Variants in PPP1R13B observed in about 807,000 individuals in gnomAD.
The protein encoded by PPP1R13B is protein phosphatase 1 regulatory subunit 13B.
Under a neutral mutation model 119.8 loss-of-function variants are expected in PPP1R13B, and 44 were observed. The observed-to-expected ratio is 0.37, with a 90% CI of 0.29 to 0.47. PPP1R13B has a LOEUF of 0.47. Ranked by LOEUF, PPP1R13B falls within the 20% of genes least tolerant of loss-of-function variation. PPP1R13B has a pLI of 0.99. For synonymous variants in PPP1R13B, 542 were observed against 561.5 expected (o/e 0.97, Z 0.49); for missense variants, 1,227 against 1,413.5 (o/e 0.87, Z 2.12).
At chr14:103,782,600 C>A (rs948722649) in intron 3 of PPP1R13B, among the ~76,000 whole-genome samples, 1 of 152,202 alleles carries the variant, frequency 6.6e-6, no homozygotes, top group Admixed American at 6.5e-5. Flanking sequence ...ATGCAGAAGA[C>A]GGCCTGTTTC....
At chr14:103,748,392 G>T (rs747846146) in intron 8 of PPP1R13B, among the ~76,000 whole-genome samples, 1 of 152,076 alleles carries the variant, frequency 6.6e-6, no homozygotes, top group African/African-American at 2.4e-5. Flanking sequence ...TCCCTTCTAC[G>T]TCTACCACCC....
chr14:103,794,728 T>G, intron 2 of PPP1R13B: 1 of 383,466 alleles, frequency 2.6e-6, no homozygotes, highest in Non-Finnish European at 5.1e-6. Context: ...GCTGTTACAG[T>G]GCTTGCCCTC....
chr14:103,796,511 A>G (rs1203188041), intron 2 of PPP1R13B, among the ~76,000 whole-genome samples: 2 of 152,206 alleles, frequency 1.3e-5, no homozygotes, highest in Non-Finnish European at 2.9e-5. Flanking sequence ...CACATCGTAT[A>G]CTTCGTATAC....
chr14:103,755,455 C>A (rs1479012806), intron 5 of PPP1R13B, among the ~76,000 whole-genome samples: 2 of 152,120 alleles, frequency 1.3e-5, no homozygotes, highest in Non-Finnish European at 2.9e-5. Flanking sequence ...AATACCAGAA[C>A]AATCTAAAAA....
rs539991229 is a variant in PPP1R13B at position 103,736,143 on chromosome 14, C to T, written c.3091G>A (p.Glu1031Lys). 7 of 1,614,052 alleles carry T rather than the reference C, an allele frequency of 4.3e-6. 1 individual carries two copies. Among genetic ancestry groups the T allele is most frequent in the South Asian group, 3.3e-5 (3 of 91,082 alleles). The change falls in exon 16 of 17, where the codon GAG becomes AAG. Residue 1031 changes from glutamate (E) to lysine (K), a missense_variant. Coordinates refer to ENST00000202556, the MANE Select transcript of PPP1R13B (RefSeq NM_015316.3). Reference sequence around the variant, plus strand: ...GACAGCTCGTCACTGTTCTGGGCCTCGTAGTCCCACAGAGCATACGCCACA... The same window carrying T: ...GACAGCTCGTCACTGTTCTGGGCCTTGTAGTCCCACAGAGCATACGCCACA... Reference protein sequence around the residue: ...KGVAYALWDYEAQNSDELSFH... With the variant: ...KGVAYALWDYKAQNSDELSFH...
At chr14:103,842,257 T>C (rs1445881820) in intron 1 of PPP1R13B, among the ~76,000 whole-genome samples, 1 of 150,708 alleles carries the variant, frequency 6.6e-6, no homozygotes, top group African/African-American at 2.4e-5. Flanking sequence ...AGAAGTTAGG[T>C]GCCCCATTGC....
intron 1 of PPP1R13B, among the ~76,000 whole-genome samples, chr14:103,830,089 T>G: frequency 6.9e-6 from 1 of 145,840 alleles, no homozygotes; most frequent in Admixed American, 7.0e-5. Context: ...TATTTTTATT[T>G]TTATTTTATT....
At position 103,784,829 on chromosome 14, in the gene PPP1R13B, T is replaced by C; in HGVS notation, c.243A>G (p.Arg81=). ...PRREEVKFFL[R]HEDSPTENSE... is the part of the protein sequence containing the mutation. ...TGTTCTCAGTTGGGGAGTCCTCGTG[T>C]CGAAGGAAAAATTTCACTTCTTCCC... is the stretch of plus-strand genomic sequence containing the variant. The change falls in exon 3 of 17, where the codon CGA becomes CGG. Residue 81 remains arginine, a synonymous_variant. Transcript: ENST00000202556. The C allele has an allele frequency of 1.2e-6, 2 of 1,610,278 alleles. No homozygotes were observed. The highest frequency in any genetic ancestry group is 1.7e-6 in the Non-Finnish European group (2 of 1,177,088).
intron 1 of PPP1R13B, among the ~76,000 whole-genome samples, chr14:103,832,307 T>G (rs911546723): frequency 1.3e-5 from 2 of 152,148 alleles, no homozygotes; most frequent in African/African-American, 2.4e-5. Context: ...CTGCCCACCT[T>G]CAGACCTCAA....
chr14:103,790,433 G>A (rs371747264), intron 2 of PPP1R13B, among the ~76,000 whole-genome samples: 1 of 152,094 alleles, frequency 6.6e-6, no homozygotes, highest in Non-Finnish European at 1.5e-5. Flanking sequence ...GGGTCTTTGA[G>A]AAGCGATTAG....
intron 1 of PPP1R13B, among the ~76,000 whole-genome samples, chr14:103,803,365 C>T (rs182899924): frequency 1.3e-5 from 2 of 152,194 alleles, no homozygotes; most frequent in Non-Finnish European, 2.9e-5. Context: ...GATTTGGGGC[C>T]GGGTGCGGTG....
At chr14:103,843,680 C>T (rs1458513281) in intron 1 of PPP1R13B, among the ~76,000 whole-genome samples, 10 of 152,110 alleles carry the variant, frequency 6.6e-5, no homozygotes, top group Non-Finnish European at 1.2e-4. Flanking sequence ...GACGGCAGAG[C>T]GCAGTGGCAT....
intron 1 of PPP1R13B, among the ~76,000 whole-genome samples, chr14:103,828,370 CAAAA>C (rs35467099): frequency 2.0e-5 from 2 of 102,240 alleles, no homozygotes; most frequent in East Asian, 2.8e-4. Context: ...ACTCTGTCTC[CAAAA>C]AAAAAAAAAA....
rs1721006677 is a variant in PPP1R13B, at chr14:103,742,547, G to A, written c.1320+107C>T. 2.1e-6 allele frequency: 3 copies of A among 1,441,236 alleles called. No individual in the cohort carries two copies. Among genetic ancestry groups the A allele is most frequent in the Middle Eastern group, 5.1e-4 (2 of 3,936 alleles). 89.3% of individuals were successfully genotyped at this position (1,441,236 alleles called of 1,614,324 possible). On this transcript the variant is annotated intron_variant, in intron 10 of 16. Transcript: ENST00000202556. This position sits in a 1 kb window ranked among gnomAD's most constrained non-coding sequence, Gnocchi z 4.9. ...TTTGGGTGTTGTCTGGACAATAACA[G>A]GATTAACTTGCCTCCTGACAAGTCA... is the stretch of plus-strand genomic sequence containing the variant.
intron 1 of PPP1R13B, among the ~76,000 whole-genome samples, chr14:103,844,594 T>C (rs1194042431): frequency 6.6e-6 from 1 of 152,004 alleles, no homozygotes; most frequent in Non-Finnish European, 1.5e-5. Context: ...CCAGGCAGGA[T>C]GGAGGGTGCC....
intron 8 of PPP1R13B, among the ~76,000 whole-genome samples, chr14:103,748,026 C>A (rs1379404370): frequency 6.6e-6 from 1 of 151,248 alleles, no homozygotes; most frequent in Non-Finnish European, 1.5e-5. Flanking sequence ...TCTGGACTTG[C>A]CAACGTCCAC....
At chr14:103,837,442 A>G (rs539874377) in intron 1 of PPP1R13B, among the ~76,000 whole-genome samples, 1 of 152,268 alleles carries the variant, frequency 6.6e-6, no homozygotes, top group South Asian at 2.1e-4. Flanking sequence ...TTTCTATCTT[A>G]AAGGAAAGGC....
At chr14:103,828,229 C>A (rs2086594556) in intron 1 of PPP1R13B, among the ~76,000 whole-genome samples, 1 of 151,966 alleles carries the variant, frequency 6.6e-6, no homozygotes, top group South Asian at 2.1e-4. Flanking sequence ...ATTAGCCAGA[C>A]ATGGTGGCGG....
intron 1 of PPP1R13B, among the ~76,000 whole-genome samples, chr14:103,839,867 T>C (rs1006358997): frequency 4.2e-4 from 64 of 152,322 alleles, no homozygotes; most frequent in African/African-American, 1.5e-3. Flanking sequence ...ACATGTGGCA[T>C]AAATCATGAT....
Sources: allele counts gnomAD v4.1 joint callset (sites outside exome capture counted in the v4.1 genomes callset), GRCh38; gene constraint gnomAD v4.1.1; non-coding constraint Gnocchi (gnomAD v3.1); transcripts MANE v1.5; gene names NCBI Gene and HGNC (gene_info 2026-07-23, HGNC 2026-07-21).